ITGB4: variants seen among roughly 807,000 people sequenced by gnomAD.
The protein encoded by ITGB4 is integrin beta-4.
Under a neutral mutation model 207.6 loss-of-function variants are expected in ITGB4, and 159 were observed. The ratio of observed to expected loss-of-function variants is 0.77; its 90% confidence interval spans 0.67 to 0.87. The LOEUF is 0.87. ITGB4 is among the 40% of genes least tolerant of loss of function. The pLI is 0.00. For synonymous variants in ITGB4, 1,020 were observed against 1,062.7 expected, an observed-to-expected ratio of 0.96 and a Z score of 0.78; for missense variants, 2,278 against 2,546.8, an observed-to-expected ratio of 0.89 and a Z score of 2.27.
At position 75,739,720 on chromosome 17, in the gene ITGB4, T is replaced by G; in HGVS notation, c.2254+15T>G. 1 of 1,614,114 alleles carries G rather than the reference T, an allele frequency of 6.2e-7. No homozygotes were observed. Among genetic ancestry groups the G allele is most frequent in the African/African-American group, 1.3e-5 (1 of 75,026 alleles). Reference sequence around the variant, plus strand: ...CTGCAACCGAGGTATGGGCCTGGCATCGCAGGGGCAGCAGGGGCTCTGACT... The same window carrying G: ...CTGCAACCGAGGTATGGGCCTGGCAGCGCAGGGGCAGCAGGGGCTCTGACT... On this transcript the variant is annotated intron_variant, in intron 19 of 39. Transcript: ENST00000200181. The surrounding 1 kb of genome is among the most constrained non-coding windows in gnomAD (Gnocchi z 5.4).
chr17:75,726,235 C>T (rs2060714200), intron 2 of ITGB4, among the ~76,000 whole-genome samples: 1 of 151,986 alleles, frequency 6.6e-6, no homozygotes, highest in South Asian at 2.1e-4. Flanking sequence ...GGGAGGATCT[C>T]CTGAACCCAG....
intron 30 of ITGB4, chr17:75,751,948 C>A: frequency 1.6e-6 from 1 of 611,206 alleles, no homozygotes; most frequent in Non-Finnish European, 3.0e-6. Context: ...CCTGGCTCTG[C>A]CACTTACTCA....
rs200008946 is a variant in ITGB4, at chr17:75,727,718, G to A, written c.332G>A (p.Arg111Gln). Residue 111 changes from arginine (R) to glutamine (Q), a missense_variant, in exon 5 of 40, where the codon CGG becomes CAG. Coordinates refer to ENST00000200181, the MANE Select transcript of ITGB4 (RefSeq NM_000213.5). This position sits in a 1 kb window ranked among gnomAD's most constrained non-coding sequence, Gnocchi z 6.0. Reference protein sequence around the residue: ...MSPQGLRVRLRPGEERHFELE... With the variant: ...MSPQGLRVRLQPGEERHFELE... ...CCCCAAGGCCTGCGGGTCCGTCTGCGGCCCGGTGAGGAGCGGCATTTTGAG... is the reference window on the plus strand; with the variant it reads ...CCCCAAGGCCTGCGGGTCCGTCTGCAGCCCGGTGAGGAGCGGCATTTTGAG... 96 of 1,613,444 alleles carry A rather than the reference G, an allele frequency of 6.0e-5. No individual in the cohort carries two copies. The highest frequency in any genetic ancestry group is 1.7e-4 in the Middle Eastern group (1 of 5,774).
chr17:75,727,435 C>A lies in ITGB4; in HGVS notation c.194C>A (p.Ala65Glu), dbSNP rs200966154. 4 of 1,613,896 alleles carry A rather than the reference C, an allele frequency of 2.5e-6. No homozygotes were observed. The African/African-American group carries it at 4.0e-5, about 16-fold the overall frequency. ...MFRDRRCNTQ[A>E]ELLAAGCQRE... ...AGGGACCGGCGCTGCAACACCCAGGCGGAGCTGCTGGCCGCGGGCTGCCAG... is the reference window on the plus strand; with the variant it reads ...AGGGACCGGCGCTGCAACACCCAGGAGGAGCTGCTGGCCGCGGGCTGCCAG... The change falls in exon 4 of 40, where the codon GCG becomes GAG. Residue 65 changes from alanine to glutamate, a missense_variant. Transcript: ENST00000200181. This position sits in a 1 kb window ranked among gnomAD's most constrained non-coding sequence, Gnocchi z 6.0.
chr17:75,738,489 C>T (rs892175993), intron 18 of ITGB4, among the ~76,000 whole-genome samples: 20 of 152,208 alleles, frequency 1.3e-4, no homozygotes, highest in Admixed American at 2.0e-4. Flanking sequence ...GATAAATGCA[C>T]AGTCCTCAGA....
Position 75,742,876 on chromosome 17 carries a change from T to C in ITGB4, c.2962+115T>C. On this transcript the variant is annotated intron_variant, in intron 25 of 39. Transcript: ENST00000200181. This position sits in a 1 kb window ranked among gnomAD's most constrained non-coding sequence, Gnocchi z 5.9. ...TGGCCTGGGCTAGTCACTTAACCTC[T>C]GCAAGCCTTGGTTTCTCCATCTGTA... 1.0e-6 allele frequency: 1 copy of C among 954,062 alleles called. No homozygotes were observed. Among genetic ancestry groups the C allele is most frequent in the East Asian group, 2.6e-5 (1 of 38,018 alleles). 59.1% of individuals were successfully genotyped at this position (954,062 alleles called of 1,614,324 possible).
chr17:75,735,562 G>A (rs1242758594), intron 13 of ITGB4, among the ~76,000 whole-genome samples: 4 of 151,576 alleles, frequency 2.6e-5, no homozygotes, highest in African/African-American at 7.3e-5. Context: ...ACAGGCATGC[G>A]CCACCATGAC....
At chr17:75,755,029 C>T in intron 34 of ITGB4, 1 of 1,587,414 alleles carries the variant, frequency 6.3e-7, no homozygotes, top group Non-Finnish European at 8.6e-7. Context: ...CCCTGCTCCT[C>T]TCACTCTTGT....
intron 15 of ITGB4, 58 bp from the exon 16 acceptor site, chr17:75,736,507 G>C (rs898777703): frequency 6.3e-7 from 1 of 1,595,320 alleles, no homozygotes. Context: ...TGGGGAGCGG[G>C]GGTCTGGCAG....
Position 75,729,659 on chromosome 17 carries a change from G to GCAGT in ITGB4, c.738+226_738+229dup, listed in dbSNP as rs1174119725. 1.3e-5 allele frequency among the ~76,000 whole-genome samples: 2 copies of GCAGT among 152,202 alleles called. No individual in the cohort carries two copies. Among genetic ancestry groups the GCAGT allele is most frequent in the Non-Finnish European group, 1.5e-5 (1 of 68,032 alleles). ...CTGGAGCCACGGTCCCCTGGCCTGAGCAGTCACAGCCTGGTTTCGTATCAG... is the reference window on the plus strand; with the variant it reads ...CTGGAGCCACGGTCCCCTGGCCTGAGCAGTCAGTCACAGCCTGGTTTCGTATCAG... On this transcript the variant is annotated intron_variant, in intron 7 of 39. Transcript: ENST00000200181. The surrounding 1 kb of genome is among the most constrained non-coding windows in gnomAD (Gnocchi z 4.4).
chr17:75,735,363 A>G (rs901170767), intron 13 of ITGB4, among the ~76,000 whole-genome samples: 1 of 150,050 alleles, frequency 6.7e-6, no homozygotes, highest in Non-Finnish European at 1.5e-5. Flanking sequence ...GTGGGATTAC[A>G]GGTGTGAGCC....
At chr17:75,757,176 G>A in intron 38 of ITGB4, 24 bp from the exon 39 acceptor site, 1 of 1,612,420 alleles carries the variant, frequency 6.2e-7, no homozygotes, top group Non-Finnish European at 8.5e-7. Context: ...ACCACCCTCT[G>A]ACTGGCCTAT....
chr17:75,754,525 G>A, intron 33 of ITGB4, 51 bp from the exon 34 acceptor site: 1 of 1,611,300 alleles, frequency 6.2e-7, no homozygotes, highest in Non-Finnish European at 8.5e-7. Flanking sequence ...TGCCCCACGG[G>A]GCCCGGGTCT....
intron 26 of ITGB4, among the ~76,000 whole-genome samples, chr17:75,744,680 C>T (rs1568369851): frequency 6.6e-6 from 1 of 152,252 alleles, no homozygotes; most frequent in Admixed American, 6.5e-5. Context: ...GGACCAGCAT[C>T]ACCTTCACTG....
chr17:75,733,843 G>T (rs569900387), intron 13 of ITGB4, 151 bp downstream of exon 13: 1 of 860,562 alleles, frequency 1.2e-6, no homozygotes, highest in Non-Finnish European at 1.9e-6. Context: ...CCTGAGGGCC[G>T]CCCCTGAGTC....
At position 75,739,888 on chromosome 17, in the gene ITGB4, G is replaced by C. The variant is rs372308913; in HGVS notation, c.2263G>C (p.Val755Leu). The change falls in exon 20 of 40, where the codon GTG (valine) becomes CTG (leucine). Residue 755 changes from valine (V) to leucine (L), a missense_variant. Val to Leu is a conservative substitution (Grantham distance 32, BLOSUM62 1). Coordinates refer to ENST00000200181, the MANE Select transcript of ITGB4 (RefSeq NM_000213.5). This position sits in a 1 kb window ranked among gnomAD's most constrained non-coding sequence, Gnocchi z 5.4. ...LLPCCNRGHMVGFKEDHYMLR... is the reference protein window; with the variant it reads ...LLPCCNRGHMLGFKEDHYMLR... ...AGGACCCCATCCTGCAGGTCACATG[G>C]TGGGCTTTAAGGAAGACCACTACAT... 8 of 1,613,578 alleles carry C rather than the reference G, an allele frequency of 5.0e-6. No individual in the cohort carries two copies. Among genetic ancestry groups the C allele is most frequent in the Non-Finnish European group, 6.8e-6 (8 of 1,180,010 alleles).
intron 26 of ITGB4, among the ~76,000 whole-genome samples, chr17:75,745,218 C>T (rs978063318): frequency 2.0e-5 from 3 of 151,998 alleles, no homozygotes; most frequent in Admixed American, 6.6e-5. Flanking sequence ...CGTGGTGAGA[C>T]CATGTCTATA....
rs1270723033 is a variant in ITGB4 at position 75,724,763 on chromosome 17, C to T, written c.60C>T (p.Val20=). ...TGCTCCTGGCAGCCTTGATCAGCGT[C>T]AGCCTCTCTGGGACCTTGGGTGAGT... is the stretch of plus-strand genomic sequence containing the variant. ...ARLLLAALIS[V]SLSGTLANRC... The change falls in exon 2 of 40, where the codon GTC becomes GTT. Residue 20 remains valine (V), a synonymous_variant. Transcript: ENST00000200181. The T allele has an allele frequency of 1.2e-6, 2 of 1,613,620 alleles. No homozygotes were observed. Among genetic ancestry groups the T allele is most frequent in the East Asian group, 2.2e-5 (1 of 44,894 alleles).
In ITGB4 at chr17:75,739,952, C is replaced by G; in HGVS notation, c.2327C>G (p.Thr776Arg). ...CTGATGGCCTCTGACCACTTGGACA[C>G]GCCCATGCTGCGCAGCGGGAACCTC... ...ENLMASDHLD[T>R]PMLRSGNLKG... The change falls in exon 20 of 40, where the codon ACG becomes AGG. Residue 776 changes from threonine to arginine, a missense_variant. Thr to Arg is a moderately conservative substitution (Grantham distance 71). Coordinates refer to ENST00000200181, the MANE Select transcript of ITGB4 (RefSeq NM_000213.5). The surrounding 1 kb of genome is among the most constrained non-coding windows in gnomAD (Gnocchi z 5.4). 1 of 1,613,288 alleles carries G rather than the reference C, an allele frequency of 6.2e-7. No homozygotes were observed. Among genetic ancestry groups the G allele is most frequent in the Non-Finnish European group, 8.5e-7 (1 of 1,180,024 alleles).
Sources: gnomAD v4.1 joint callset for allele counts (sites outside exome capture counted in the v4.1 genomes callset) on GRCh38, gnomAD v4.1.1 for gene constraint, Gnocchi (gnomAD v3.1) non-coding constraint, MANE v1.5 for transcripts, NCBI Gene and HGNC (gene_info 2026-07-23, HGNC 2026-07-21) for gene names.